The following ZNF804A variants were observed in gnomAD, a reference collection of about 807,000 sequenced individuals.
ZNF804A encodes zinc finger protein 804A.
Under a neutral mutation model 16.5 loss-of-function variants are expected in ZNF804A, and 2 were observed. The ratio of observed to expected loss-of-function variants is 0.12; its 90% CI spans 0.05 to 0.38. ZNF804A has a LOEUF of 0.38. ZNF804A is among the 10% of genes least tolerant of loss of function. The pLI, the probability that ZNF804A is intolerant of heterozygous loss-of-function variation, is 0.99. For missense variants in ZNF804A, 1,473 were observed against 1,390.7 expected (o/e 1.06, Z -0.94); for synonymous variants, 534 against 489.6 (o/e 1.09, Z -1.20).
chr2:184,636,358 T>C (rs1356671977), intron 1 of ZNF804A, among the ~76,000 whole-genome samples: 1 of 151,320 alleles, frequency 6.6e-6, no homozygotes, highest in Non-Finnish European at 1.5e-5. Flanking sequence ...GAAATATTTG[T>C]GTTTTTTCTG....
intron 1 of ZNF804A, among the ~76,000 whole-genome samples, chr2:184,684,334 T>G (rs1483678921): frequency 3.3e-5 from 5 of 152,214 alleles, no homozygotes; most frequent in African/African-American, 4.8e-5. Flanking sequence ...ATTGTGTTTA[T>G]GTAAATGAAT....
chr2:184,750,044 C>T (rs572052250), intron 1 of ZNF804A, among the ~76,000 whole-genome samples: 1 of 151,354 alleles, frequency 6.6e-6, no homozygotes, highest in African/African-American at 2.4e-5. Flanking sequence ...AAAGTTCAAG[C>T]TTGGGTATTA....
At chr2:184,639,326 G>A (rs1016846382) in intron 1 of ZNF804A, among the ~76,000 whole-genome samples, 17 of 151,560 alleles carry the variant, frequency 1.1e-4, no homozygotes, top group African/African-American at 2.7e-4. Flanking sequence ...CACCCGCCTC[G>A]GCCTCCCAAA....
intron 1 of ZNF804A, among the ~76,000 whole-genome samples, chr2:184,810,902 A>G (rs542391927): frequency 2.6e-5 from 4 of 152,332 alleles, no homozygotes; most frequent in African/African-American, 9.6e-5. Flanking sequence ...AATATCTCTG[A>G]AAAGGTGTCT....
At chr2:184,608,552 G>A (rs1044294690) in intron 1 of ZNF804A, among the ~76,000 whole-genome samples, 1 of 152,148 alleles carries the variant, frequency 6.6e-6, no homozygotes, top group East Asian at 1.9e-4. Context: ...GAGTGGACTT[G>A]TTATTGTTAA....
chr2:184,679,795 G>T (rs1170318603), intron 1 of ZNF804A, among the ~76,000 whole-genome samples: 1 of 152,280 alleles, frequency 6.6e-6, no homozygotes, highest in Non-Finnish European at 1.5e-5. Context: ...TGGGCTGGGA[G>T]GCTCCCCTTG....
intron 1 of ZNF804A, among the ~76,000 whole-genome samples, chr2:184,687,455 T>A (rs1026710534): frequency 2.0e-5 from 3 of 152,256 alleles, no homozygotes; most frequent in Admixed American, 2.0e-4. Flanking sequence ...CAATAGTGAA[T>A]GCTGAAAGAT....
At position 184,659,568 on chromosome 2, in the gene ZNF804A, C is replaced by T. The variant is rs199587278; in HGVS notation, c.111+60498C>T. Among the ~76,000 whole-genome samples the T allele has an allele frequency of 3.4e-4, 51 of 152,000 alleles. 1 individual carries two copies. In the East Asian group the frequency reaches 7.9e-3, roughly 24 times the overall value. ...CACATTATGATATAGATATTATTTT[C>T]AGTTTATCAAAATTGTAAAAACCCA... On this transcript the variant is annotated intron_variant, in intron 1 of 3. Transcript: ENST00000302277.
Position 184,865,498 on chromosome 2 carries a change from AGGAGGT to A in ZNF804A, c.112-869_112-864del, listed in dbSNP as rs531414754. ...CGAGAGGGGGCAAGAAAGAGCTTCAAGGAGGTGCTAGGCTCTTTTGCCATTATTTGT... is the reference window on the plus strand; with the variant it reads ...CGAGAGGGGGCAAGAAAGAGCTTCAAGCTAGGCTCTTTTGCCATTATTTGT... On this transcript the variant is annotated intron_variant, in intron 1 of 3. Transcript: ENST00000302277. Among the ~76,000 whole-genome samples, 344 of 152,176 alleles carry A rather than the reference AGGAGGT, an allele frequency of 2.3e-3. 1 individual carries two copies. The highest frequency in any genetic ancestry group is 7.7e-3 in the African/African-American group (321 of 41,554).
chr2:184,839,345 G>A (rs577441847), intron 1 of ZNF804A, among the ~76,000 whole-genome samples: 3 of 151,960 alleles, frequency 2.0e-5, no homozygotes, highest in Non-Finnish European at 4.4e-5. Context: ...TTAAAATTAA[G>A]TTTATTAAGT....
intron 1 of ZNF804A, among the ~76,000 whole-genome samples, chr2:184,619,664 G>C (rs1222407728): frequency 2.0e-5 from 3 of 151,864 alleles, no homozygotes; most frequent in Non-Finnish European, 4.4e-5. Context: ...CCATTTTATG[G>C]ATGAAAAACT....
chr2:184,791,712 A>G (rs1022274205), intron 1 of ZNF804A, among the ~76,000 whole-genome samples: 1 of 152,108 alleles, frequency 6.6e-6, no homozygotes, highest in African/African-American at 2.4e-5. Context: ...CAAAGTCCAT[A>G]GTTTACATTA....
At chr2:184,810,356 T>C (rs1694872736) in intron 1 of ZNF804A, among the ~76,000 whole-genome samples, 1 of 152,198 alleles carries the variant, frequency 6.6e-6, no homozygotes, top group Non-Finnish European at 1.5e-5. Context: ...ACAGCTGTTC[T>C]GGCACCAGTG....
At chr2:184,836,140 C>T (rs1695342033) in intron 1 of ZNF804A, among the ~76,000 whole-genome samples, 1 of 152,032 alleles carries the variant, frequency 6.6e-6, no homozygotes, top group Non-Finnish European at 1.5e-5. Flanking sequence ...TCAGAAATGC[C>T]TAGCATGGTG....
chr2:184,743,901 G>A (rs896273276), intron 1 of ZNF804A, among the ~76,000 whole-genome samples: 6 of 151,960 alleles, frequency 3.9e-5, no homozygotes, highest in African/African-American at 1.2e-4. Context: ...CTAAGGTGAA[G>A]GGATTTAGTA....
intron 1 of ZNF804A, among the ~76,000 whole-genome samples, chr2:184,781,362 A>C (rs922032878): frequency 6.6e-6 from 1 of 151,764 alleles, no homozygotes; most frequent in Non-Finnish European, 1.5e-5. Context: ...ACTTTTCCCC[A>C]GGAGAGAATA....
chr2:184,656,726 A>C (rs1330436097), intron 1 of ZNF804A, among the ~76,000 whole-genome samples: 2 of 151,698 alleles, frequency 1.3e-5, no homozygotes, highest in African/African-American at 4.8e-5. Flanking sequence ...ATATATATAC[A>C]CATATATACA....
At chr2:184,620,517 T>C (rs929539520) in intron 1 of ZNF804A, among the ~76,000 whole-genome samples, 1 of 151,812 alleles carries the variant, frequency 6.6e-6, no homozygotes, top group Non-Finnish European at 1.5e-5. Context: ...AACTCATCTA[T>C]TTATTCATCA....
rs559742649 is a variant in ZNF804A, at chr2:184,871,785, G to A, written c.255+5273G>A. 3.3e-5 allele frequency among the ~76,000 whole-genome samples: 5 copies of A among 152,018 alleles called. No homozygotes were observed. The South Asian group carries it at 1.0e-3, about 32-fold the overall frequency. On this transcript the variant is annotated intron_variant, in intron 2 of 3. Coordinates refer to ENST00000302277, the MANE Select transcript of ZNF804A (RefSeq NM_194250.2). ...AAAGATTAGTTGATTTAATATTTTA[G>A]TTTAGTTTACTAGGAGAATAAAAAC...
Sources: gnomAD v4.1 joint callset for allele counts (sites outside exome capture counted in the v4.1 genomes callset) on GRCh38, gnomAD v4.1.1 for gene constraint, MANE v1.5 for transcripts, NCBI Gene and HGNC (gene_info 2026-07-23, HGNC 2026-07-21) for gene names.